OLAH: variants seen among roughly 807,000 people sequenced by gnomAD.
The protein encoded by OLAH is S-acyl fatty acid synthase thioesterase, medium chain.
In OLAH, 33 loss-of-function variants were observed where a neutral mutation model predicts 27.8. The ratio of observed to expected loss-of-function variants is 1.19; its 90% confidence interval spans 0.90 to 1.59. The LOEUF is 1.59. Among genes scored for constraint, OLAH ranks in the 40% most tolerant of loss-of-function variants. OLAH has a pLI of 0.00. For missense variants in OLAH, 359 were observed against 310.8 expected, an observed-to-expected ratio of 1.16 and a Z score of -1.17; for synonymous variants, 120 against 102.9, an observed-to-expected ratio of 1.17 and a Z score of -1.01.
intron 1 of OLAH, among the ~76,000 whole-genome samples, chr10:15,033,482 A>C (rs889270224): frequency 6.6e-6 from 1 of 151,560 alleles, no homozygotes; most frequent in African/African-American, 2.4e-5. Flanking sequence ...GAGGAAGAAG[A>C]AAAAGGAGAA....
chr10:15,062,355 A>T (rs1294776195), intron 4 of OLAH, among the ~76,000 whole-genome samples: 1 of 152,114 alleles, frequency 6.6e-6, no homozygotes, highest in Non-Finnish European at 1.5e-5. Context: ...AGGAATCAAT[A>T]AATTTTGGCT....
intron 1 of OLAH, among the ~76,000 whole-genome samples, chr10:15,035,135 T>C (rs1843822666): frequency 6.6e-6 from 1 of 152,072 alleles, no homozygotes; most frequent in Non-Finnish European, 1.5e-5. Flanking sequence ...AGGAGTTTGC[T>C]AGCAGAGAAG....
chr10:15,055,977 G>T (rs1415018335), intron 3 of OLAH, among the ~76,000 whole-genome samples: 1 of 151,724 alleles, frequency 6.6e-6, no homozygotes, highest in Non-Finnish European at 1.5e-5. Flanking sequence ...AGCTTCCCAA[G>T]TATCTGGGAT....
At chr10:15,041,990 C>T (rs1338978636), upstream of OLAH, among the ~76,000 whole-genome samples, 1 of 151,762 alleles carries the variant, frequency 6.6e-6, no homozygotes, top group Non-Finnish European at 1.5e-5. Flanking sequence ...TTCTCTTTTT[C>T]TGCTTGGTGT....
At position 15,068,211 on chromosome 10, in the gene OLAH, C is replaced by A. The variant is rs545897985; in HGVS notation, c.572+2458C>A. ...GGTTTTTACCTTTCTAATGAAATTC[C>A]CCATGTGTTCATGAATGTTAGCCAC... On this transcript the variant is annotated intron_variant, in intron 6 of 7. Coordinates refer to ENST00000378228, the MANE Select transcript of OLAH (RefSeq NM_001039702.3). 3.3e-5 allele frequency: 5 copies of A among 152,176 alleles called. No individual in the cohort carries two copies. The South Asian group carries it at 8.3e-4, about 25-fold the overall frequency. 9.4% of individuals were successfully genotyped at this position (152,176 alleles called of 1,614,324 possible).
chr10:15,038,304 G>C (rs558335090), intron 1 of OLAH, among the ~76,000 whole-genome samples: 3 of 152,210 alleles, frequency 2.0e-5, no homozygotes, highest in Non-Finnish European at 4.4e-5. Flanking sequence ...GTGGACTTCT[G>C]AGTTAATGCT....
chr10:15,056,805 T>C, intron 3 of OLAH: 2 of 1,453,354 alleles, frequency 1.4e-6, no homozygotes, highest in Non-Finnish European at 1.8e-6. Flanking sequence ...TAATTTTATT[T>C]TATTTTATTT....
At chr10:15,053,353 T>A (rs536935593) in intron 3 of OLAH, among the ~76,000 whole-genome samples, 1 of 152,284 alleles carries the variant, frequency 6.6e-6, no homozygotes, top group South Asian at 2.1e-4. Flanking sequence ...AGCTTCCTGA[T>A]AGGATTTCAG....
upstream of OLAH, among the ~76,000 whole-genome samples, chr10:15,041,840 G>A (rs967934929): frequency 2.0e-5 from 3 of 152,064 alleles, no homozygotes; most frequent in Non-Finnish European, 4.4e-5. Context: ...GCCTACCAAA[G>A]TGCTGGGATT....
In OLAH at chr10:15,047,235, T is replaced by C. The variant is rs1844036470; in HGVS notation, c.-54T>C. Reference sequence around the variant, plus strand: ...TCGTCTCAAGAGGAACTGACTTCTGTTGAGCACTCAACACGCCACAGAGAC... The same window carrying C: ...TCGTCTCAAGAGGAACTGACTTCTGCTGAGCACTCAACACGCCACAGAGAC... On this transcript the variant is annotated 5_prime_UTR_variant, in exon 2 of 8. Coordinates refer to ENST00000378228, the MANE Select transcript of OLAH (RefSeq NM_001039702.3). 6.3e-7 allele frequency: 1 copy of C among 1,598,578 alleles called. No homozygotes were observed. The highest frequency in any genetic ancestry group is 8.6e-7 in the Non-Finnish European group (1 of 1,169,502).
chr10:15,037,684 T>A (rs1243696890), intron 1 of OLAH, among the ~76,000 whole-genome samples: 1 of 152,058 alleles, frequency 6.6e-6, no homozygotes, highest in Admixed American at 6.6e-5. Context: ...ACACGACCCA[T>A]TTCTTGTGAG....
upstream of OLAH, among the ~76,000 whole-genome samples, chr10:15,042,803 C>T (rs1843942157): frequency 6.7e-6 from 1 of 150,230 alleles, no homozygotes; most frequent in African/African-American, 2.5e-5. Context: ...GTTTCTGGAA[C>T]CAGACTACTT....
intron 3 of OLAH, among the ~76,000 whole-genome samples, chr10:15,058,648 T>C (rs1378588393): frequency 2.6e-5 from 4 of 152,148 alleles, no homozygotes; most frequent in African/African-American, 7.2e-5. Flanking sequence ...TGATAAAAAA[T>C]AATCTTTTAT....
At chr10:15,069,724 G>A (rs766787961) in intron 6 of OLAH, among the ~76,000 whole-genome samples, 4 of 152,130 alleles carry the variant, frequency 2.6e-5, no homozygotes, top group Non-Finnish European at 5.9e-5. Flanking sequence ...AAAATAGCTG[G>A]ATGTGGTGGC....
chr10:15,057,880 A>G (rs891849748), intron 3 of OLAH, among the ~76,000 whole-genome samples: 9 of 152,188 alleles, frequency 5.9e-5, no homozygotes, highest in African/African-American at 2.2e-4. Context: ...CTATACGTCT[A>G]TGTTTACTCC....
Position 15,036,416 on chromosome 10 carries a change from G to A in OLAH, c.-164+4066G>A, listed in dbSNP as rs189328520. Among the ~76,000 whole-genome samples, 229 of 152,048 alleles carry A rather than the reference G, an allele frequency of 1.5e-3. 1 individual carries two copies. The East Asian group carries it at 0.017, about 11-fold the overall frequency. On this transcript the variant is annotated intron_variant, in intron 1 of 3. Coordinates refer to the OLAH transcript ENST00000413672. Reference sequence around the variant, plus strand: ...GGGAAGCTGAGGCAGGAGAATCGCCGAACCTGGGAGGTGGAGGTTGCAGTG... The same window carrying A: ...GGGAAGCTGAGGCAGGAGAATCGCCAAACCTGGGAGGTGGAGGTTGCAGTG...
chr10:15,062,034 T>C, intron 4 of OLAH, 172 bp downstream of exon 4: 3 of 568,170 alleles, frequency 5.3e-6, no homozygotes. Flanking sequence ...ATGGTAAGTA[T>C]ACCTATTTTT....
intron 1 of OLAH, among the ~76,000 whole-genome samples, chr10:15,036,592 C>T (rs986988868): frequency 2.0e-5 from 3 of 152,136 alleles, no homozygotes; most frequent in Non-Finnish European, 2.9e-5. Flanking sequence ...GGGCTCAAGA[C>T]ATCCTCCCCT....
chr10:15,039,359 C>T (rs931425013), upstream of OLAH, among the ~76,000 whole-genome samples: 4 of 152,136 alleles, frequency 2.6e-5, no homozygotes, highest in African/African-American at 7.2e-5. Context: ...AGGTAGATCA[C>T]CTGAGGTCAG....
Sources: allele counts gnomAD v4.1 joint callset (sites outside exome capture counted in the v4.1 genomes callset), GRCh38; gene constraint gnomAD v4.1.1; transcripts MANE v1.5; gene names NCBI Gene and HGNC (gene_info 2026-07-23, HGNC 2026-07-21).